The following RFX8 variants were observed in gnomAD, a reference collection of about 807,000 sequenced individuals.
The protein encoded by RFX8 is regulatory factor X8, also known as DNA-binding protein RFX8.
In RFX8, 46 loss-of-function variants were observed where a neutral mutation model predicts 54.6. The ratio of observed to expected loss-of-function variants is 0.84; its 90% CI spans 0.67 to 1.08. The LOEUF (loss-of-function observed/expected upper bound fraction) is 1.08, where lower values mean the gene tolerates loss of function less well. Ranked by LOEUF, RFX8 falls within the 50% of genes least tolerant of loss-of-function variation. The pLI, the probability that RFX8 is intolerant of heterozygous loss-of-function variation, is 0.00. For missense variants in RFX8, 536 were observed against 562.3 expected (o/e 0.95, Z 0.47); for synonymous variants, 192 against 209.5 (o/e 0.92, Z 0.72).
intron 1 of RFX8, among the ~76,000 whole-genome samples, chr2:101,469,312 C>T (rs1689845615): frequency 9.6e-6 from 1 of 104,036 alleles, no homozygotes; most frequent in Non-Finnish European, 2.3e-5. Context: ...GTGACCATGT[C>T]CAGATACTTA....
At chr2:101,405,448 C>T (rs1685673964) in intron 10 of RFX8, among the ~76,000 whole-genome samples, 1 of 152,070 alleles carries the variant, frequency 6.6e-6, no homozygotes, top group Non-Finnish European at 1.5e-5. Context: ...CACCCAACCC[C>T]TACAACCCTT....
At chr2:101,413,722 C>T (rs758746752) in intron 7 of RFX8, among the ~76,000 whole-genome samples, 12 of 152,172 alleles carry the variant, frequency 7.9e-5, no homozygotes, top group Non-Finnish European at 1.5e-4. Flanking sequence ...GGCTTCAGAA[C>T]CCATGCTTAC....
intron 2 of RFX8, among the ~76,000 whole-genome samples, chr2:101,433,152 T>C (rs888863762): frequency 5.3e-5 from 8 of 152,198 alleles, no homozygotes; most frequent in South Asian, 4.1e-4. Context: ...GCTGGCTATA[T>C]TGCTTTAAGC....
At chr2:101,455,589 A>T (rs7600942) in intron 2 of RFX8, among the ~76,000 whole-genome samples, 52,177 of 151,694 alleles carry the variant, frequency 0.34, 9,576 homozygotes, top group African/African-American at 0.44. Context: ...CTGTTTTGGT[A>T]CCAGTACCAT....
At chr2:101,403,611 C>G (rs2104518634) in intron 10 of RFX8, among the ~76,000 whole-genome samples, 1 of 152,188 alleles carries the variant, frequency 6.6e-6, no homozygotes, top group Admixed American at 6.5e-5. Flanking sequence ...AAGGCGAAAC[C>G]TTGTCTTCAC....
At chr2:101,452,466 T>G (rs1688737602) in intron 2 of RFX8, 1 of 1,281,126 alleles carries the variant, frequency 7.8e-7, no homozygotes, top group African/African-American at 1.5e-5. Flanking sequence ...TAAGCCAGAT[T>G]TAAAGTTGCA....
chr2:101,454,605 G>A (rs770154733), intron 2 of RFX8, among the ~76,000 whole-genome samples: 12 of 152,134 alleles, frequency 7.9e-5, no homozygotes, highest in Non-Finnish European at 1.8e-4. Flanking sequence ...AGCGTAAGAT[G>A]ATATCTCATT....
chr2:101,465,237 G>A (rs1689507584), intron 2 of RFX8, among the ~76,000 whole-genome samples: 1 of 152,212 alleles, frequency 6.6e-6, no homozygotes, highest in African/African-American at 2.4e-5. Context: ...AGGTGGCCGG[G>A]CACACTGGCT....
chr2:101,400,798 C>T (rs1685394743), intron 11 of RFX8, among the ~76,000 whole-genome samples: 1 of 152,180 alleles, frequency 6.6e-6, no homozygotes, highest in Admixed American at 6.5e-5. Context: ...CCTGCTAGGG[C>T]TCTACAGAAT....
At chr2:101,470,058 A>C (rs891772677) in intron 1 of RFX8, among the ~76,000 whole-genome samples, 1 of 152,112 alleles carries the variant, frequency 6.6e-6, no homozygotes, top group Non-Finnish European at 1.5e-5. Flanking sequence ...AGAAGGTTTG[A>C]AAGTGGACTT....
intron 11 of RFX8, among the ~76,000 whole-genome samples, chr2:101,401,958 A>G (rs1303472791): frequency 2.0e-5 from 3 of 152,230 alleles, no homozygotes; most frequent in Admixed American, 2.0e-4. Context: ...TGGCTTCGAG[A>G]TAACATACAT....
At chr2:101,429,381 TC>T (rs1394728176) in intron 2 of RFX8, among the ~76,000 whole-genome samples, 2 of 152,174 alleles carry the variant, frequency 1.3e-5, no homozygotes, top group Non-Finnish European at 1.5e-5. Context: ...AATGATAATA[TC>T]CTCTAAATTG....
intron 1 of RFX8, among the ~76,000 whole-genome samples, chr2:101,473,530 TG>T (rs1690127918): frequency 6.6e-6 from 1 of 152,226 alleles, no homozygotes; most frequent in African/African-American, 2.4e-5. Flanking sequence ...TTCACTCACA[TG>T]ACTTTTTCAA....
intron 2 of RFX8, among the ~76,000 whole-genome samples, chr2:101,447,288 G>C (rs1281175052): frequency 6.6e-6 from 1 of 152,008 alleles, no homozygotes; most frequent in Non-Finnish European, 1.5e-5. Context: ...AAACCGCAAG[G>C]CTGAATTTTC....
chr2:101,474,522 C>T (rs544686048), intron 1 of RFX8, 114 bp downstream of exon 1: 1 of 326,710 alleles, frequency 3.1e-6, no homozygotes, highest in African/African-American at 2.2e-5. Flanking sequence ...ATGCGCGGAC[C>T]CCGCCCTGCA....
chr2:101,449,935 G>C (rs894422943), intron 2 of RFX8, among the ~76,000 whole-genome samples: 2 of 152,158 alleles, frequency 1.3e-5, no homozygotes, highest in South Asian at 2.1e-4. Flanking sequence ...AGGAAGCTTT[G>C]AGAGAGGTGC....
intron 2 of RFX8, 78 bp from the exon 3 acceptor site, chr2:101,422,550 A>G (rs1686928085): frequency 1.2e-6 from 1 of 810,544 alleles, no homozygotes; most frequent in Admixed American, 2.0e-5. Flanking sequence ...TTATGATCAC[A>G]CTACTATAAG....
intron 1 of RFX8, among the ~76,000 whole-genome samples, chr2:101,469,704 T>C (rs2149000019): frequency 6.6e-6 from 1 of 152,318 alleles, no homozygotes; most frequent in East Asian, 1.9e-4. Flanking sequence ...TGTTCTTTCC[T>C]GTGACAGACG....
At chr2:101,441,615 CTGTTA>C (rs1688103985) in intron 2 of RFX8, among the ~76,000 whole-genome samples, 1 of 152,148 alleles carries the variant, frequency 6.6e-6, no homozygotes, top group Non-Finnish European at 1.5e-5. Context: ...TTCAGGTATC[CTGTTA>C]TAAGCAACAG....
Sources: allele counts gnomAD v4.1 joint callset (sites outside exome capture counted in the v4.1 genomes callset), GRCh38; gene constraint gnomAD v4.1.1; transcripts MANE v1.5; gene names NCBI Gene and HGNC (gene_info 2026-07-23, HGNC 2026-07-21).